The following KAT6B variants were observed in gnomAD, a reference collection of about 807,000 sequenced individuals.
KAT6B encodes lysine acetyltransferase 6B.
Under a neutral mutation model 187.5 loss-of-function variants are expected in KAT6B, and 10 were observed. That is an observed-to-expected ratio of 0.05 (90% CI 0.03 to 0.09). The LOEUF is 0.09. KAT6B is among the 10% of genes least tolerant of loss of function. KAT6B has a pLI of 1.00. For missense variants in KAT6B, 1,952 were observed against 2,558.9 expected (o/e 0.76, Z 5.12); for synonymous variants, 861 against 926.8 (o/e 0.93, Z 1.29).
Position 75,020,715 on chromosome 10 carries a change from C to T in KAT6B, c.2763C>T (p.His921=). The part of the protein sequence containing the change: ...LEYLYHHHER[H]ISIKAISRAT... ...ATCTCTACCACCACCATGAGAGGCACATCAGCATCAAGGCAATTAGCAGAG... is the reference window on the plus strand; with the variant it reads ...ATCTCTACCACCACCATGAGAGGCATATCAGCATCAAGGCAATTAGCAGAG... Residue 921 remains histidine (H), a synonymous_variant, in exon 14 of 18, where the codon CAC becomes CAT. Coordinates refer to ENST00000287239, the MANE Select transcript of KAT6B (RefSeq NM_012330.4). 1.9e-6 allele frequency: 3 copies of T among 1,614,202 alleles called. No homozygotes were observed. Among genetic ancestry groups the T allele is most frequent in the Non-Finnish European group, 2.5e-6 (3 of 1,180,030 alleles).
At chr10:75,006,393 A>G (rs979888212) in intron 13 of KAT6B, among the ~76,000 whole-genome samples, 1 of 152,234 alleles carries the variant, frequency 6.6e-6, no homozygotes, top group Non-Finnish European at 1.5e-5. Flanking sequence ...TTTCTTACAT[A>G]AACTGTACAG....
At chr10:74,898,331 T>C (rs1481920785) in intron 3 of KAT6B, among the ~76,000 whole-genome samples, 1 of 152,180 alleles carries the variant, frequency 6.6e-6, no homozygotes, top group East Asian at 1.9e-4. Flanking sequence ...TTTTTGAGCT[T>C]TGTTTTCTCC....
At chr10:74,982,680 T>G (rs1842585986) in intron 11 of KAT6B, 1 of 152,562 alleles carries the variant, frequency 6.6e-6, no homozygotes, top group South Asian at 2.1e-4. Context: ...TTTTCACGTT[T>G]CTCCTTTATG....
rs935089030 is a variant in KAT6B, at chr10:74,969,711, C to T, written c.782C>T (p.Ala261Val). The T allele has an allele frequency of 4.3e-6, 7 of 1,613,952 alleles. No individual in the cohort carries two copies. Among genetic ancestry groups the T allele is most frequent in the Non-Finnish European group, 4.2e-6 (5 of 1,179,944 alleles). The change falls in exon 5 of 18, where the codon GCC becomes GTC. Residue 261 changes from alanine (A) to valine (V), a missense_variant. Transcript: ENST00000287239. ...FCPELTTNVK[A>V]LRWQCIECKT... ...CCTGAATTAACAACAAATGTAAAGG[C>T]CTTAAGGTGGCAGTGCATCGAATGC...
At chr10:74,965,920 A>G (rs1271555951) in intron 4 of KAT6B, among the ~76,000 whole-genome samples, 3 of 149,382 alleles carry the variant, frequency 2.0e-5, no homozygotes, top group African/African-American at 7.4e-5. Flanking sequence ...TTTTTTTAGT[A>G]GAGACGGGGT....
chr10:74,998,957 G>A (rs1459025601), intron 13 of KAT6B, among the ~76,000 whole-genome samples: 2 of 152,146 alleles, frequency 1.3e-5, no homozygotes, highest in Non-Finnish European at 2.9e-5. Flanking sequence ...AATTTGTAAT[G>A]CTTGTGATAA....
chr10:74,828,806 A>G (rs1032896454), intron 1 of KAT6B, among the ~76,000 whole-genome samples: 1 of 151,840 alleles, frequency 6.6e-6, no homozygotes, highest in Admixed American at 6.5e-5. Context: ...TGACCTTGTG[A>G]TCTGCCCGCC....
intron 13 of KAT6B, among the ~76,000 whole-genome samples, chr10:75,012,489 A>T (rs1377817534): frequency 6.6e-6 from 1 of 152,190 alleles, no homozygotes; most frequent in Non-Finnish European, 1.5e-5. Flanking sequence ...TCACTGGGTA[A>T]GAGAATCAGG....
intron 9 of KAT6B, among the ~76,000 whole-genome samples, chr10:74,978,301 C>G (rs568125138): frequency 6.6e-6 from 1 of 152,134 alleles, no homozygotes; most frequent in Non-Finnish European, 1.5e-5. Context: ...TGTCAGATTT[C>G]CCCCAGTTAT....
At chr10:75,014,880 G>T (rs970355108) in intron 13 of KAT6B, among the ~76,000 whole-genome samples, 1 of 152,184 alleles carries the variant, frequency 6.6e-6, no homozygotes. Context: ...TGCATCCAAG[G>T]AGCTGAGTGA....
intron 13 of KAT6B, among the ~76,000 whole-genome samples, chr10:75,004,809 C>T: frequency 6.6e-6 from 1 of 152,084 alleles, no homozygotes; most frequent in Non-Finnish European, 1.5e-5. Context: ...TAAAGTGATC[C>T]TCCCATGTCA....
chr10:74,947,191 T>A (rs1840011944), intron 3 of KAT6B, among the ~76,000 whole-genome samples: 1 of 152,082 alleles, frequency 6.6e-6, no homozygotes, highest in Admixed American at 6.5e-5. Flanking sequence ...GAGATGGGGT[T>A]TTGCCATGTT....
chr10:74,977,582 C>T, intron 9 of KAT6B, 145 bp downstream of exon 9: 1 of 1,049,640 alleles, frequency 9.5e-7, no homozygotes, highest in Non-Finnish European at 1.5e-6. Flanking sequence ...TTTCTACTGA[C>T]TGTACATTCA....
At chr10:74,970,261 G>A (rs1841761496) in intron 6 of KAT6B, among the ~76,000 whole-genome samples, 160 bp downstream of exon 6, 1 of 151,294 alleles carries the variant, frequency 6.6e-6, no homozygotes, top group Non-Finnish European at 1.5e-5. Flanking sequence ...GAATAGAGGA[G>A]TATAAAAGCA....
intron 3 of KAT6B, among the ~76,000 whole-genome samples, chr10:74,881,718 A>T (rs1844864548): frequency 6.6e-6 from 1 of 152,116 alleles, no homozygotes; most frequent in Admixed American, 6.5e-5. Context: ...CAGTGGTGTA[A>T]TCGTAGTTCA....
chr10:74,872,474 C>G (rs1773657158), intron 3 of KAT6B, among the ~76,000 whole-genome samples: 1 of 152,168 alleles, frequency 6.6e-6, no homozygotes, highest in Admixed American at 6.5e-5. Flanking sequence ...CTCCAAGGCT[C>G]AAGTGATCCT....
intron 3 of KAT6B, among the ~76,000 whole-genome samples, chr10:74,924,478 A>G (rs772983776): frequency 6.6e-6 from 1 of 152,214 alleles, no homozygotes; most frequent in Non-Finnish European, 1.5e-5. Context: ...ATCCAAATGA[A>G]AGCTTGCATT....
intron 9 of KAT6B, 117 bp downstream of exon 9, chr10:74,977,554 T>G: frequency 1.5e-6 from 2 of 1,305,836 alleles, no homozygotes; most frequent in Non-Finnish European, 2.2e-6. Flanking sequence ...TGTGATTCTT[T>G]AGCCGTTATC....
intron 3 of KAT6B, among the ~76,000 whole-genome samples, chr10:74,908,264 A>G (rs1846922991): frequency 1.3e-5 from 2 of 152,180 alleles, no homozygotes; most frequent in African/African-American, 2.4e-5. Context: ...CTTCATAACT[A>G]TAAGAAATAA....
Sources: allele counts gnomAD v4.1 joint callset (sites outside exome capture counted in the v4.1 genomes callset), GRCh38; gene constraint gnomAD v4.1.1; transcripts MANE v1.5; gene names NCBI Gene and HGNC (gene_info 2026-07-23, HGNC 2026-07-21).